The following PARD3 variants were observed in gnomAD, a reference collection of about 807,000 sequenced individuals.
PARD3 encodes par-3 family cell polarity regulator, also known as partitioning defective 3 homolog.
A neutral mutation model predicts 155.4 loss-of-function variants in PARD3; 75 were observed. The ratio of observed to expected loss-of-function variants is 0.48; its 90% CI spans 0.40 to 0.58. The LOEUF is 0.58. PARD3 is among the 20% of genes least tolerant of loss of function. The probability of loss-of-function intolerance (pLI) is 0.00; values close to 1 mark genes in which losing one functional copy is unlikely to be tolerated. For synonymous variants in PARD3, 576 were observed against 610.5 expected (o/e 0.94, Z 0.83); for missense variants, 1,642 against 1,721.7 (o/e 0.95, Z 0.82).
chr10:34,529,403 A>G (rs2082688781), intron 2 of PARD3, among the ~76,000 whole-genome samples: 1 of 152,198 alleles, frequency 6.6e-6, no homozygotes, highest in African/African-American at 2.4e-5. Flanking sequence ...GAATAGCTGG[A>G]TCAGCAGTAC....
intron 2 of PARD3, among the ~76,000 whole-genome samples, chr10:34,573,730 A>AAAACACACAC (rs1197132914): frequency 2.8e-5 from 1 of 36,346 alleles, no homozygotes; most frequent in Non-Finnish European, 5.0e-5. Context: ...CAAACAAACA[A>AAAACACACAC]ACAAAAACAC....
At chr10:34,150,646 C>T (rs146204955) in intron 22 of PARD3, among the ~76,000 whole-genome samples, 262 of 152,204 alleles carry the variant, frequency 1.7e-3, no homozygotes, top group African/African-American at 5.7e-3. Flanking sequence ...ACCTGAATCT[C>T]GCTGCTCCCT....
chr10:34,312,349 TG>T, intron 20 of PARD3: 12 of 1,612,584 alleles, frequency 7.4e-6, no homozygotes, highest in Non-Finnish European at 1.0e-5. Flanking sequence ...ATCGCTTTGT[TG>T]TTCATCTCTT....
intron 1 of PARD3, among the ~76,000 whole-genome samples, chr10:34,784,541 G>A (rs2134194816): frequency 6.6e-6 from 1 of 152,166 alleles, no homozygotes; most frequent in Middle Eastern, 3.4e-3. Context: ...CCAGGTTCAA[G>A]CGATTCTCCT....
At chr10:34,303,372 C>A (rs1461608859) in intron 20 of PARD3, among the ~76,000 whole-genome samples, 9 of 151,362 alleles carry the variant, frequency 5.9e-5, no homozygotes, top group Non-Finnish European at 1.0e-4. Flanking sequence ...CAAAATTGTT[C>A]CAGAATCAAG....
intron 22 of PARD3, among the ~76,000 whole-genome samples, chr10:34,168,597 T>C (rs1023727570): frequency 2.0e-5 from 3 of 152,194 alleles, no homozygotes. Context: ...GGCGAGGAGC[T>C]GCACTCTGAT....
chr10:34,444,276 G>A (rs1458362949), intron 5 of PARD3, among the ~76,000 whole-genome samples: 1 of 152,122 alleles, frequency 6.6e-6, no homozygotes, highest in Admixed American at 6.6e-5. Context: ...CTACCTTCTG[G>A]TCCTAAATTC....
intron 22 of PARD3, among the ~76,000 whole-genome samples, chr10:34,242,345 G>A (rs1007279353): frequency 1.3e-5 from 2 of 152,014 alleles, no homozygotes; most frequent in African/African-American, 4.8e-5. Flanking sequence ...CCTATTTAAG[G>A]ACAGTGGCCC....
chr10:34,667,082 C>T (rs979361117), intron 2 of PARD3, among the ~76,000 whole-genome samples: 8 of 152,092 alleles, frequency 5.3e-5, no homozygotes, highest in Non-Finnish European at 8.8e-5. Flanking sequence ...ACAGGAGAAT[C>T]GCTTGAACAC....
chr10:34,275,374 A>T (rs1373547980), intron 21 of PARD3, among the ~76,000 whole-genome samples: 1 of 152,218 alleles, frequency 6.6e-6, no homozygotes, highest in Non-Finnish European at 1.5e-5. Context: ...GCAAAAGGCT[A>T]ACGGATCTGG....
chr10:34,752,667 A>G (rs78661820), intron 1 of PARD3, among the ~76,000 whole-genome samples: 2,290 of 152,344 alleles, frequency 0.015, 27 homozygotes, highest in Non-Finnish European at 0.024. Flanking sequence ...ATTCAATAGA[A>G]TATCTTTGCA....
At chr10:34,475,086 C>G (rs973518234) in intron 3 of PARD3, among the ~76,000 whole-genome samples, 2 of 152,114 alleles carry the variant, frequency 1.3e-5, no homozygotes, top group African/African-American at 4.8e-5. Flanking sequence ...CTTTCACACT[C>G]TAAAAATTGA....
intron 2 of PARD3, among the ~76,000 whole-genome samples, chr10:34,577,635 G>A (rs1310986531): frequency 1.3e-5 from 2 of 152,142 alleles, no homozygotes; most frequent in African/African-American, 2.4e-5. Context: ...CGTAAAATGA[G>A]CACCATATGG....
At chr10:34,166,913 T>G (rs1417974170) in intron 22 of PARD3, among the ~76,000 whole-genome samples, 1 of 152,214 alleles carries the variant, frequency 6.6e-6, no homozygotes, top group African/African-American at 2.4e-5. Context: ...ATATTCTATC[T>G]GAAACTATAC....
At chr10:34,218,530 C>A (rs574910773) in intron 22 of PARD3, among the ~76,000 whole-genome samples, 229 of 152,300 alleles carry the variant, frequency 1.5e-3, no homozygotes, top group African/African-American at 5.0e-3. Flanking sequence ...GCCCAAGTAA[C>A]AGACGGACTA....
intron 1 of PARD3, among the ~76,000 whole-genome samples, chr10:34,794,727 G>A (rs547149159): frequency 6.6e-6 from 1 of 152,144 alleles, no homozygotes; most frequent in East Asian, 1.9e-4. Flanking sequence ...AGATCTTTGG[G>A]CTCATGAAAT....
chr10:34,754,321 T>C (rs1222295481), intron 1 of PARD3, among the ~76,000 whole-genome samples: 1 of 152,216 alleles, frequency 6.6e-6, no homozygotes, highest in East Asian at 1.9e-4. Flanking sequence ...TTTTTTATAC[T>C]GCTAGATTAA....
intron 1 of PARD3, among the ~76,000 whole-genome samples, chr10:34,722,326 A>G (rs933967619): frequency 1.3e-5 from 2 of 152,206 alleles, no homozygotes; most frequent in African/African-American, 4.8e-5. Flanking sequence ...CCGTCACCAC[A>G]CTGTCATTCA....
chr10:34,807,708 T>C (rs1272491114), intron 1 of PARD3, among the ~76,000 whole-genome samples: 7 of 152,150 alleles, frequency 4.6e-5, no homozygotes, highest in Non-Finnish European at 8.8e-5. Flanking sequence ...ATAAAGAGTA[T>C]ATATAAAATA....
Sources: gnomAD v4.1 joint callset for allele counts (sites outside exome capture counted in the v4.1 genomes callset) on GRCh38, gnomAD v4.1.1 for gene constraint, MANE v1.5 for transcripts, NCBI Gene and HGNC (gene_info 2026-07-23, HGNC 2026-07-21) for gene names.